The following ZBTB7C variants were observed in gnomAD, a reference collection of about 807,000 sequenced individuals.
ZBTB7C encodes the protein zinc finger and BTB domain-containing protein 7C.
In ZBTB7C, 8 loss-of-function variants were observed where a neutral mutation model predicts 25.7. The observed-to-expected ratio is 0.31, with a 90% CI of 0.18 to 0.56. ZBTB7C has a LOEUF of 0.56. ZBTB7C is among the 20% of genes least tolerant of loss of function. The probability of loss-of-function intolerance (pLI) is 0.91; values close to 1 mark genes in which losing one functional copy is unlikely to be tolerated. For missense variants in ZBTB7C, 824 were observed against 855.2 expected (o/e 0.96, Z 0.46); for synonymous variants, 394 against 369.0 (o/e 1.07, Z -0.78).
intron 3 of ZBTB7C, among the ~76,000 whole-genome samples, chr18:48,067,148 T>C (rs541514294): frequency 1.3e-5 from 2 of 152,202 alleles, no homozygotes; most frequent in South Asian, 2.1e-4. Flanking sequence ...TATAGCTCTA[T>C]AGCTCTATTC....
At chr18:48,409,454 GC>G (rs1380031440), upstream of ZBTB7C, 3 of 144,104 alleles carry the variant, frequency 2.1e-5, no homozygotes, top group African/African-American at 7.5e-5. Flanking sequence ...CCCTCCCCGC[GC>G]CCCGCCTCCC....
intron 3 of ZBTB7C, among the ~76,000 whole-genome samples, chr18:48,090,867 T>C (rs941461917): frequency 6.6e-6 from 1 of 152,188 alleles, no homozygotes; most frequent in Admixed American, 6.5e-5. Context: ...CTTTCCTCTC[T>C]TAACTCCTGA....
intron 2 of ZBTB7C, among the ~76,000 whole-genome samples, chr18:48,245,922 A>G (rs2043679155): frequency 6.6e-6 from 1 of 152,246 alleles, no homozygotes; most frequent in African/African-American, 2.4e-5. Context: ...TAGAAAACTA[A>G]GCATCAGACA....
chr18:48,164,887 C>T (rs2041190982), intron 3 of ZBTB7C, among the ~76,000 whole-genome samples: 1 of 152,152 alleles, frequency 6.6e-6, no homozygotes, highest in Admixed American at 6.5e-5. Context: ...CTACATCCCA[C>T]CAAGTTGGGA....
At chr18:48,173,152 A>T (rs2145041937) in intron 3 of ZBTB7C, among the ~76,000 whole-genome samples, 1 of 152,326 alleles carries the variant, frequency 6.6e-6, no homozygotes, top group East Asian at 1.9e-4. Context: ...CTATTCCTAC[A>T]TTGTGATTTG....
At chr18:48,077,002 C>G (rs1339534608) in intron 3 of ZBTB7C, 18 of 984,328 alleles carry the variant, frequency 1.8e-5, no homozygotes, top group Non-Finnish European at 1.9e-5. Context: ...CACCTAAGTT[C>G]CCTTCCAGCA....
intron 3 of ZBTB7C, among the ~76,000 whole-genome samples, chr18:48,076,712 T>G (rs1300002020): frequency 3.9e-5 from 6 of 152,068 alleles, no homozygotes; most frequent in Non-Finnish European, 8.8e-5. Flanking sequence ...ATGGGCTTTG[T>G]CCTCTTGACC....
upstream of ZBTB7C, among the ~76,000 whole-genome samples, chr18:48,412,116 T>A (rs534689457): frequency 2.6e-5 from 4 of 152,316 alleles, no homozygotes; most frequent in South Asian, 8.3e-4. Flanking sequence ...GATGCTGGAA[T>A]GGTCGGGTGA....
At chr18:48,108,933 A>T (rs1190771327) in intron 3 of ZBTB7C, among the ~76,000 whole-genome samples, 1 of 152,060 alleles carries the variant, frequency 6.6e-6, no homozygotes, top group Non-Finnish European at 1.5e-5. Context: ...TTGAAACTGT[A>T]TGAAAAAGTG....
chr18:48,382,985 T>C (rs1007452527), intron 1 of ZBTB7C, among the ~76,000 whole-genome samples: 1 of 152,150 alleles, frequency 6.6e-6, no homozygotes, highest in Non-Finnish European at 1.5e-5. Flanking sequence ...GAACTCAAAT[T>C]TGGCGTGATA....
At chr18:48,180,358 A>G (rs761080856) in intron 3 of ZBTB7C, 3 of 456,520 alleles carry the variant, frequency 6.6e-6, no homozygotes, top group Non-Finnish European at 1.3e-5. Context: ...GAAATGTATT[A>G]TAAAATCACA....
intron 1 of ZBTB7C, among the ~76,000 whole-genome samples, chr18:48,372,517 T>C (rs1388070163): frequency 3.3e-5 from 5 of 152,206 alleles, no homozygotes; most frequent in Non-Finnish European, 7.3e-5. Flanking sequence ...AGAGGAATCA[T>C]CAGACTTCAC....
In ZBTB7C at chr18:48,338,349, C is replaced by T. The variant is rs79403181; in HGVS notation, c.-254G>A. The T allele has an allele frequency of 0.032, 4,815 of 152,336 alleles. 98 individuals carry two copies. The highest frequency in any genetic ancestry group is 0.097 in the South Asian group (467 of 4,824). The allele number at this position is 152,336 out of a possible 1,614,324, so 9.4% of individuals were successfully genotyped here. On this transcript the variant is annotated 5_prime_UTR_variant, in exon 2 of 5. The change creates a new upstream start codon in the 5' untranslated region. Coordinates refer to ENST00000590800, the MANE Select transcript of ZBTB7C (RefSeq NM_001318841.2). ...ACTTCTTGCTCTTGTGGCTGACCCA[C>T]TCCTCAGGGTTGGACAGAGCTTCTG...
chr18:48,300,932 T>C (rs1279129979), intron 2 of ZBTB7C, among the ~76,000 whole-genome samples: 1 of 152,244 alleles, frequency 6.6e-6, no homozygotes, highest in Non-Finnish European at 1.5e-5. Context: ...CAGGCACAGC[T>C]GGGCCTGGCT....
intron 3 of ZBTB7C, among the ~76,000 whole-genome samples, chr18:48,071,564 CT>C (rs2037542540): frequency 1.3e-5 from 2 of 152,314 alleles, no homozygotes; most frequent in South Asian, 4.1e-4. Flanking sequence ...GCTGCAGCTG[CT>C]GTGGCAAACG....
chr18:48,300,399 G>A (rs1447223533), intron 2 of ZBTB7C, among the ~76,000 whole-genome samples: 1 of 152,128 alleles, frequency 6.6e-6, no homozygotes, highest in East Asian at 1.9e-4. Flanking sequence ...CTCTGGAATA[G>A]GAAAACAGAA....
At chr18:48,392,695 G>A (rs1294976613) in intron 1 of ZBTB7C, among the ~76,000 whole-genome samples, 1 of 152,216 alleles carries the variant, frequency 6.6e-6, no homozygotes, top group Non-Finnish European at 1.5e-5. Flanking sequence ...GGAAAGCACA[G>A]TGTCCTTACT....
chr18:48,030,002 G>T, intron 4 of ZBTB7C, 91 bp from the exon 5 acceptor site: 2 of 1,541,700 alleles, frequency 1.3e-6, no homozygotes, highest in Non-Finnish European at 1.8e-6. Context: ...ACCAGCCGAG[G>T]CTCCCTACTG....
chr18:48,161,969 G>T (rs983375565), intron 3 of ZBTB7C, among the ~76,000 whole-genome samples: 13 of 143,212 alleles, frequency 9.1e-5, no homozygotes, highest in African/African-American at 3.2e-4. Flanking sequence ...GCGCGGCACC[G>T]CCCCTGCCCA....
Sources: allele counts gnomAD v4.1 joint callset (sites outside exome capture counted in the v4.1 genomes callset), GRCh38; gene constraint gnomAD v4.1.1; transcripts MANE v1.5; gene names NCBI Gene and HGNC (gene_info 2026-07-23, HGNC 2026-07-21).